The following TYK2 variants were observed in gnomAD, a reference collection of about 807,000 sequenced individuals.
The protein encoded by TYK2 is non-receptor tyrosine-protein kinase TYK2.
Under a neutral mutation model 130.9 loss-of-function variants are expected in TYK2, and 65 were observed. The observed-to-expected ratio is 0.50, with a 90% CI of 0.41 to 0.61. The LOEUF is 0.61. Among genes scored for constraint, TYK2 ranks in the 20% least tolerant of loss-of-function variants. The probability of loss-of-function intolerance (pLI) is 0.00; values close to 1 mark genes in which losing one functional copy is unlikely to be tolerated. For missense variants in TYK2, 1,378 were observed against 1,610.7 expected (o/e 0.86, Z 2.47); for synonymous variants, 647 against 658.9 (o/e 0.98, Z 0.28).
At chr19:10,378,107 T>C (rs979975671) in intron 3 of TYK2, 107 bp downstream of exon 3, 2 of 998,054 alleles carry the variant, frequency 2.0e-6, no homozygotes, top group Non-Finnish European at 2.8e-6. Context: ...GATGAGTGGG[T>C]GGATGGGTGG....
chr19:10,351,175 C>G lies in TYK2; in HGVS notation c.3319-13G>C. ...GCTCAAGGAATTTCTACAGTATAAACAAGACAAGCTCTTTTCAAGAGGCAA... is the reference window on the plus strand; with the variant it reads ...GCTCAAGGAATTTCTACAGTATAAAGAAGACAAGCTCTTTTCAAGAGGCAA... On this transcript the variant is annotated splice_polypyrimidine_tract_variant and intron_variant, in intron 23 of 24. Transcript: ENST00000525621. 1 of 1,607,118 alleles carries G rather than the reference C, an allele frequency of 6.2e-7. No individual in the cohort carries two copies. Among genetic ancestry groups the G allele is most frequent in the Admixed American group, 1.7e-5 (1 of 59,734 alleles).
chr19:10,357,245 C>T (rs1255229131), intron 17 of TYK2: 10 of 517,696 alleles, frequency 1.9e-5, no homozygotes, highest in African/African-American at 3.8e-5. Flanking sequence ...AAAAATTAGC[C>T]GGGTGTGGTG....
Position 10,350,900 on chromosome 19 carries a change from T to C in TYK2, c.3498A>G (p.Ile1166Met), listed in dbSNP as rs763305318. Residue 1166 changes from isoleucine to methionine, a missense_variant, in exon 25 of 25, where the codon ATA becomes ATG. Coordinates refer to ENST00000525621, the MANE Select transcript of TYK2 (RefSeq NM_003331.5). ...ASFRPTFENLIPILKTVHEKY... is the reference protein window; with the variant it reads ...ASFRPTFENLMPILKTVHEKY... ...TCTCATGGACTGTCTTCAGAATGGG[T>C]ATGAGGTTCTCGAAGGTTGGGCGAA... 1 of 1,614,094 alleles carries C rather than the reference T, an allele frequency of 6.2e-7. No homozygotes were observed. Among genetic ancestry groups the C allele is most frequent in the Non-Finnish European group, 8.5e-7 (1 of 1,180,012 alleles).
At position 10,357,877 on chromosome 19, in the gene TYK2, G is replaced by A. The variant is rs972911609; in HGVS notation, c.2353C>T (p.Pro785Ser). 6.2e-7 allele frequency: 1 copy of A among 1,613,418 alleles called. No individual in the cohort carries two copies. The highest frequency in any genetic ancestry group is 8.5e-7 in the Non-Finnish European group (1 of 1,180,034). The change falls in exon 17 of 25, where the codon CCA becomes TCA. Residue 785 changes from proline (P) to serine (S), a missense_variant. Pro to Ser is a moderately conservative substitution (Grantham distance 74, BLOSUM62 -1). Coordinates refer to ENST00000525621, the MANE Select transcript of TYK2 (RefSeq NM_003331.5). ...GTGCTTAGGCTGTTGGCCCCACCTGGTAGGCATTCGGGGGCCAGCCAGGGG... is the reference window on the plus strand; with the variant it reads ...GTGCTTAGGCTGTTGGCCCCACCTGATAGGCATTCGGGGGCCAGCCAGGGG... ...RIPWLAPECLPGGANSLSTAM... is the reference protein window; with the variant it reads ...RIPWLAPECLSGGANSLSTAM...
rs916091864 is a variant in TYK2 at position 10,353,227 on chromosome 19, G to T, written c.3028-129C>A. On this transcript the variant is annotated intron_variant, in intron 21 of 24. Coordinates refer to ENST00000525621, the MANE Select transcript of TYK2 (RefSeq NM_003331.5). The surrounding 1 kb of genome is among the most constrained non-coding windows in gnomAD (Gnocchi z 6.9). ...CCGGTGGCTACCCGGCCGCTGGAGAGGGCCGGATGGCACGTGGCACCAAGC... is the reference window on the plus strand; with the variant it reads ...CCGGTGGCTACCCGGCCGCTGGAGATGGCCGGATGGCACGTGGCACCAAGC... 1.3e-6 allele frequency: 1 copy of T among 767,540 alleles called. No homozygotes were observed. Among genetic ancestry groups the T allele is most frequent in the Non-Finnish European group, 1.9e-6 (1 of 515,928 alleles). 47.5% of individuals were successfully genotyped at this position (767,540 alleles called of 1,614,324 possible).
chr19:10,352,790 C>A, intron 22 of TYK2, 136 bp downstream of exon 22: 1 of 1,202,016 alleles, frequency 8.3e-7, no homozygotes, highest in Non-Finnish European at 1.1e-6. Context: ...CCTCCATAGG[C>A]CCCACCCCCG....
chr19:10,362,616 A>G lies in TYK2; in HGVS notation c.1409T>C (p.Leu470Pro). The G allele has an allele frequency of 1.3e-6, 2 of 1,552,684 alleles. No homozygotes were observed. The highest frequency in any genetic ancestry group is 1.7e-6 in the Non-Finnish European group (2 of 1,147,522). The change falls in exon 10 of 25, where the codon CTG becomes CCG. Residue 470 changes from leucine (L) to proline (P), a missense_variant. Leu to Pro is a moderately conservative substitution (Grantham distance 98). Transcript: ENST00000525621. ...GCTGGTGCTCCAGTGAATGAGGTAC[A>G]GGCCGTCCTCGGGCCGCAGCTTGGC... ...VQAKLRPEDGLYLIHWSTSHP... is the reference protein window; with the variant it reads ...VQAKLRPEDGPYLIHWSTSHP...
In TYK2 at chr19:10,361,611, G is replaced by A. The variant is rs1300421332; in HGVS notation, c.1960-13C>T. 6.5e-7 allele frequency: 1 copy of A among 1,549,192 alleles called. No individual in the cohort carries two copies. Among genetic ancestry groups the A allele is most frequent in the Non-Finnish European group, 8.7e-7 (1 of 1,148,442 alleles). The stretch of plus-strand genomic sequence containing the variant: ...TCTCGTAGAAGGCCTGTGGGGACCG[G>A]GCAGGTCAGGTGGCTGCAAAGCCGA... On this transcript the variant is annotated splice_polypyrimidine_tract_variant and intron_variant, in intron 13 of 24. Transcript: ENST00000525621. The surrounding 1 kb of genome is among the most constrained non-coding windows in gnomAD (Gnocchi z 4.0).
intron 22 of TYK2, 131 bp downstream of exon 22, chr19:10,352,795 C>A (rs1472484228): frequency 8.0e-7 from 1 of 1,244,718 alleles, no homozygotes; most frequent in African/African-American, 1.5e-5. Flanking sequence ...ATAGGCCCCA[C>A]CCCCGCACCG....
intron 3 of TYK2, among the ~76,000 whole-genome samples, chr19:10,372,796 T>C (rs543413969): frequency 1.3e-5 from 2 of 151,940 alleles, no homozygotes; most frequent in Admixed American, 1.3e-4. Flanking sequence ...CAGCTTTGAC[T>C]GTGTTATCAA....
At chr19:10,365,107 GCACTTTCCC>G (rs2041599386) in intron 7 of TYK2, 59 bp from the exon 8 acceptor site, 1 of 1,502,256 alleles carries the variant, frequency 6.7e-7, no homozygotes, top group South Asian at 1.3e-5. Context: ...TATACCTCCT[GCACTTTCCC>G]CTGGGGAGAG....
chr19:10,372,048 T>G (rs1013302622), intron 3 of TYK2, among the ~76,000 whole-genome samples: 18 of 152,018 alleles, frequency 1.2e-4, no homozygotes, highest in Non-Finnish European at 1.8e-4. Context: ...TGGAGTGTGG[T>G]GGCTCAATCT....
At chr19:10,363,602 G>C (rs911203756) in intron 9 of TYK2, among the ~76,000 whole-genome samples, 3 of 152,148 alleles carry the variant, frequency 2.0e-5, no homozygotes, top group Non-Finnish European at 4.4e-5. Flanking sequence ...CCACTCACAA[G>C]GGTGACACAC....
Position 10,354,533 on chromosome 19 carries a change from T to C in TYK2, c.2694A>G (p.Lys898=), listed in dbSNP as rs1221647566. Residue 898 remains lysine, a synonymous_variant, in exon 19 of 25, where the codon AAA becomes AAG. Coordinates refer to ENST00000525621, the MANE Select transcript of TYK2 (RefSeq NM_003331.5). ...TCACCTCGCCCAGATCTCGGATCTT[T>C]TTCAAATAGCGCTTGTGGAAAACCG... ...DPTVFHKRYL[K]KIRDLGEGHF... 6.2e-7 allele frequency: 1 copy of C among 1,613,926 alleles called. No individual in the cohort carries two copies. The highest frequency in any genetic ancestry group is 2.2e-5 in the East Asian group (1 of 44,882).
rs991682915 is a variant in TYK2, at chr19:10,353,200, G to A, written c.3028-102C>T. 11 of 1,098,830 alleles carry A rather than the reference G, an allele frequency of 1.0e-5. No individual in the cohort carries two copies. In the African/African-American group the frequency reaches 1.8e-4, roughly 18 times the overall value. 68.1% of individuals were successfully genotyped at this position (1,098,830 alleles called of 1,614,324 possible). ...GGAGGGCTGGGGGACAGTCAGGTCA[G>A]GCCGGTGGCTACCCGGCCGCTGGAG... is the stretch of plus-strand genomic sequence containing the variant. On this transcript the variant is annotated intron_variant, in intron 21 of 24. Coordinates refer to ENST00000525621, the MANE Select transcript of TYK2 (RefSeq NM_003331.5). The surrounding 1 kb of genome is among the most constrained non-coding windows in gnomAD (Gnocchi z 6.9).
Position 10,361,578 on chromosome 19 carries a change from G to T in TYK2, c.1980C>A (p.Ser660Arg). The T allele has an allele frequency of 6.5e-7, 1 of 1,549,096 alleles. No homozygotes were observed. The highest frequency in any genetic ancestry group is 1.2e-5 in the South Asian group (1 of 84,266). Residue 660 changes from serine to arginine, a missense_variant, in exon 14 of 25, where the codon AGC (serine) becomes AGA (arginine). Coordinates refer to ENST00000525621, the MANE Select transcript of TYK2 (RefSeq NM_003331.5). This position sits in a 1 kb window ranked among gnomAD's most constrained non-coding sequence, Gnocchi z 4.0. Reference sequence around the variant, plus strand: ...GCGTGTGGGAGACCTGGCTCATGAGGCTGGCTGTCTCGTAGAAGGCCTGTG... The same window carrying T: ...GCGTGTGGGAGACCTGGCTCATGAGTCTGGCTGTCTCGTAGAAGGCCTGTG... ...DIALAFYETA[S>R]LMSQVSHTHL...
chr19:10,375,689 G>A (rs991072703), intron 3 of TYK2, among the ~76,000 whole-genome samples: 20 of 151,436 alleles, frequency 1.3e-4, no homozygotes, highest in Non-Finnish European at 7.4e-5. Flanking sequence ...GGCCGAGGCG[G>A]GCAGATCACG....
At chr19:10,378,838 T>A (rs918885066) in intron 2 of TYK2, among the ~76,000 whole-genome samples, 16 of 16,778 alleles carry the variant, frequency 9.5e-4, no homozygotes, top group South Asian at 1.9e-3. Context: ...ATTTTATATC[T>A]TATCTTATCT....
chr19:10,362,665 G>C lies in TYK2; in HGVS notation c.1368-8C>G. The C allele has an allele frequency of 6.4e-7, 1 of 1,550,810 alleles. No homozygotes were observed. The highest frequency in any genetic ancestry group is 8.7e-7 in the Non-Finnish European group (1 of 1,146,516). On this transcript the variant is annotated splice_region_variant and splice_polypyrimidine_tract_variant and intron_variant, in intron 9 of 24. Transcript: ENST00000525621. ...GCCTGCACAAATGGCTCCCTGGAAG[G>C]TGGTCCAGGGGGACTATCAGGCCAC... is the stretch of plus-strand genomic sequence containing the variant.
Sources: gnomAD v4.1 joint callset for allele counts (sites outside exome capture counted in the v4.1 genomes callset) on GRCh38, gnomAD v4.1.1 for gene constraint, Gnocchi (gnomAD v3.1) non-coding constraint, MANE v1.5 for transcripts, NCBI Gene and HGNC (gene_info 2026-07-23, HGNC 2026-07-21) for gene names.